Variants in CTNNA3 observed in about 807,000 individuals in gnomAD.
The protein encoded by CTNNA3 is catenin alpha-3.
Under a neutral mutation model 95.7 loss-of-function variants are expected in CTNNA3, and 76 were observed. That is an observed-to-expected ratio of 0.79 (90% CI 0.66 to 0.96). CTNNA3 has a LOEUF of 0.96. CTNNA3 is among the 40% of genes least tolerant of loss of function. The pLI, the probability that CTNNA3 is intolerant of heterozygous loss-of-function variation, is 0.00. For missense variants in CTNNA3, 1,191 were observed against 1,089.8 expected (o/e 1.09, Z -1.31); for synonymous variants, 431 against 374.4 (o/e 1.15, Z -1.74).
At chr10:67,648,191 T>G (rs1468003665) in intron 1 of CTNNA3, among the ~76,000 whole-genome samples, 1 of 152,196 alleles carries the variant, frequency 6.6e-6, no homozygotes, top group Non-Finnish European at 1.5e-5. Context: ...ATTAACGTTA[T>G]CCTTAAAAAT....
At chr10:65,992,451 T>C (rs1213932614) in intron 15 of CTNNA3, among the ~76,000 whole-genome samples, 2 of 152,092 alleles carry the variant, frequency 1.3e-5, no homozygotes, top group South Asian at 2.1e-4. Context: ...AGATTTTCTA[T>C]TTTTTCCACA....
intron 12 of CTNNA3, among the ~76,000 whole-genome samples, chr10:66,309,945 AT>A (rs2091993169): frequency 8.1e-6 from 1 of 123,462 alleles, no homozygotes; most frequent in Non-Finnish European, 1.8e-5. Flanking sequence ...AAATAAATAA[AT>A]AAATAAATAA....
intron 16 of CTNNA3, among the ~76,000 whole-genome samples, chr10:65,987,035 C>T (rs1003567132): frequency 1.3e-5 from 2 of 151,870 alleles, no homozygotes; most frequent in Non-Finnish European, 2.9e-5. Context: ...CCCTACCTTT[C>T]ACCATATGGA....
chr10:67,686,255 T>G (rs1421889454), intron 1 of CTNNA3, among the ~76,000 whole-genome samples: 2 of 152,216 alleles, frequency 1.3e-5, no homozygotes, highest in African/African-American at 4.8e-5. Flanking sequence ...TGGGTGCTGG[T>G]CCCTGGGGGA....
intron 7 of CTNNA3, among the ~76,000 whole-genome samples, chr10:67,152,721 A>G (rs754425987): frequency 1.3e-5 from 2 of 152,204 alleles, no homozygotes; most frequent in Non-Finnish European, 2.9e-5. Flanking sequence ...ATAATTACCC[A>G]CAAAATAGCT....
chr10:66,090,310 G>A (rs2081165822), intron 14 of CTNNA3, among the ~76,000 whole-genome samples: 1 of 151,972 alleles, frequency 6.6e-6, no homozygotes, highest in African/African-American at 2.4e-5. Context: ...TAATTAGCAA[G>A]GTGAATGTTG....
At chr10:66,059,279 A>T (rs1176392186) in intron 15 of CTNNA3, among the ~76,000 whole-genome samples, 1 of 152,108 alleles carries the variant, frequency 6.6e-6, no homozygotes, top group African/African-American at 2.4e-5. Context: ...CATCATTCTC[A>T]TAAATACAGA....
In CTNNA3 at chr10:67,233,918, C is replaced by T. The variant is rs188042714; in HGVS notation, c.580-14048G>A. Among the ~76,000 whole-genome samples, 802 of 152,154 alleles carry T rather than the reference C, an allele frequency of 5.3e-3. 7 individuals are homozygous for T. The highest frequency in any genetic ancestry group is 0.018 in the African/African-American group (734 of 41,524). On this transcript the variant is annotated intron_variant, in intron 5 of 17. Coordinates refer to ENST00000433211, the MANE Select transcript of CTNNA3 (RefSeq NM_013266.4). ...AATAAACTAGAAAATCTAGAAGAAA[C>T]GGATAAATTCCTCGACACATACACC...
chr10:66,840,630 TATTTTC>T (rs1322403989), intron 7 of CTNNA3, among the ~76,000 whole-genome samples: 1 of 152,172 alleles, frequency 6.6e-6, no homozygotes, highest in African/African-American at 2.4e-5. Context: ...AACAGTACCC[TATTTTC>T]ATTCAATACA....
intron 14 of CTNNA3, among the ~76,000 whole-genome samples, chr10:66,075,418 T>C (rs1482062930): frequency 6.6e-6 from 1 of 151,810 alleles, no homozygotes; most frequent in Admixed American, 6.6e-5. Flanking sequence ...AATAAATTTA[T>C]AGGAGTTGTG....
intron 9 of CTNNA3, among the ~76,000 whole-genome samples, chr10:66,631,614 A>C (rs546965478): frequency 1.3e-5 from 2 of 152,276 alleles, no homozygotes; most frequent in South Asian, 4.1e-4. Flanking sequence ...GCAATCTATG[A>C]ATAGGAAGAA....
intron 9 of CTNNA3, among the ~76,000 whole-genome samples, chr10:66,755,487 G>T (rs1213610392): frequency 6.6e-6 from 1 of 152,096 alleles, no homozygotes; most frequent in African/African-American, 2.4e-5. Context: ...GATATCATTT[G>T]TAATTAGGGA....
chr10:67,277,956 T>C (rs1402060015), intron 5 of CTNNA3, among the ~76,000 whole-genome samples: 6 of 152,160 alleles, frequency 3.9e-5, no homozygotes, highest in Non-Finnish European at 8.8e-5. Context: ...GTATTATCAA[T>C]AGAGCAGTCC....
chr10:66,939,179 A>G (rs1206570747), intron 7 of CTNNA3, among the ~76,000 whole-genome samples: 1 of 152,026 alleles, frequency 6.6e-6, no homozygotes, highest in African/African-American at 2.4e-5. Context: ...CATCTTTTTT[A>G]CCTCCTAAAA....
intron 5 of CTNNA3, among the ~76,000 whole-genome samples, chr10:67,483,019 C>T (rs1270391250): frequency 3.3e-5 from 5 of 152,124 alleles, no homozygotes; most frequent in Admixed American, 6.5e-5. Flanking sequence ...CGAAAAAATG[C>T]TCACCATCAC....
At chr10:66,803,166 T>C (rs527514886) in intron 7 of CTNNA3, among the ~76,000 whole-genome samples, 150 of 152,196 alleles carry the variant, frequency 9.9e-4, no homozygotes, top group African/African-American at 3.5e-3. Context: ...TTACAATAGA[T>C]AATTTACTTT....
intron 13 of CTNNA3, among the ~76,000 whole-genome samples, chr10:66,167,390 G>A (rs1350283860): frequency 2.0e-5 from 3 of 152,122 alleles, no homozygotes; most frequent in Non-Finnish European, 4.4e-5. Flanking sequence ...AGTTTCCTGT[G>A]AGATTTACAA....
intron 7 of CTNNA3, among the ~76,000 whole-genome samples, chr10:67,148,766 T>C (rs968180909): frequency 1.4e-4 from 21 of 152,180 alleles, no homozygotes; most frequent in African/African-American, 5.1e-4. Flanking sequence ...TAGCAATTTA[T>C]AGGTAATTTG....
intron 17 of CTNNA3, among the ~76,000 whole-genome samples, chr10:65,923,005 C>T (rs1185264789): frequency 6.6e-6 from 1 of 152,114 alleles, no homozygotes; most frequent in Non-Finnish European, 1.5e-5. Context: ...ATCACGAGAA[C>T]AGCATGGGGG....
Sources: gnomAD v4.1 joint callset for allele counts (sites outside exome capture counted in the v4.1 genomes callset) on GRCh38, gnomAD v4.1.1 for gene constraint, MANE v1.5 for transcripts, NCBI Gene and HGNC (gene_info 2026-07-23, HGNC 2026-07-21) for gene names.